Variants in DDX53 observed in about 807,000 individuals in gnomAD.
DDX53 encodes DEAD-box helicase 53.
For synonymous variants in DDX53, 179 were observed against 170.8 expected (o/e 1.05, Z -0.37); for missense variants, 481 against 485.1 (o/e 0.99, Z 0.08).
chrX:23,000,019 T>C lies in DDX53; in HGVS notation c.-39T>C. On this transcript the variant is annotated 5_prime_UTR_variant, in exon 1 of 1. It removes the in-frame stop codon of an upstream open reading frame in the 5' UTR. Coordinates refer to ENST00000327968, the MANE Select transcript of DDX53 (RefSeq NM_182699.4). ...GCAGACCTGAACTTCCAACCGTATGTAGGCGAGAAGCCGGTGCCGATACTC... is the reference window on the plus strand; with the variant it reads ...GCAGACCTGAACTTCCAACCGTATGCAGGCGAGAAGCCGGTGCCGATACTC... 1 of 1,019,336 alleles carries C rather than the reference T, an allele frequency of 9.8e-7. No individual in the cohort carries two copies. Among genetic ancestry groups the C allele is most frequent in the Non-Finnish European group, 1.3e-6 (1 of 793,471 alleles). The allele number at this position is 1,019,336 out of a possible 1,213,427, so 84.0% of individuals were successfully genotyped here.
rs1933788504 is a variant in DDX53, at chrX:23,000,377, C to T, written c.320C>T (p.Ala107Val). 1 of 1,207,574 alleles carries T rather than the reference C, an allele frequency of 8.3e-7. No homozygotes were observed. Among genetic ancestry groups the T allele is most frequent in the Non-Finnish European group, 1.1e-6 (1 of 894,396 alleles). ...GNREMKAKAK[A>V]AIETLIRKQE... The stretch of plus-strand genomic sequence containing the variant: ...AGGGAAATGAAAGCAAAGGCCAAAG[C>T]GGCTATAGAAACACTTATTAGAAAA... The change falls in exon 1 of 1, where the codon GCG (alanine) becomes GTG (valine). Residue 107 changes from alanine (A) to valine (V), a missense_variant. Coordinates refer to ENST00000327968, the MANE Select transcript of DDX53 (RefSeq NM_182699.4).
Position 23,002,695 on chromosome X carries a change from A to T in DDX53, c.*742A>T, listed in dbSNP as rs1322015606. 1 of 119,456 alleles carries T rather than the reference A, an allele frequency of 8.4e-6. No individual in the cohort carries two copies. Among genetic ancestry groups the T allele is most frequent in the Non-Finnish European group, 1.9e-5 (1 of 52,443 alleles). 9.8% of individuals were successfully genotyped at this position (119,456 alleles called of 1,213,427 possible). A position where few individuals can be genotyped will look rare whatever the true frequency, so the allele number is the denominator to read the frequency against. Reference sequence around the variant, plus strand: ...TAATTTTAAAAAAGTCTCAAAAATGAGAGAGTGAGAGACTATGTGAAGAGA... The same window carrying T: ...TAATTTTAAAAAAGTCTCAAAAATGTGAGAGTGAGAGACTATGTGAAGAGA... On this transcript the variant is annotated 3_prime_UTR_variant, in exon 1 of 1. Coordinates refer to ENST00000327968, the MANE Select transcript of DDX53 (RefSeq NM_182699.4).
chrX:23,000,518 A>G lies in DDX53; in HGVS notation c.461A>G (p.Asp154Gly), dbSNP rs373190990. 1 of 1,210,225 alleles carries G rather than the reference A, an allele frequency of 8.3e-7. No homozygotes were observed. Among genetic ancestry groups the G allele is most frequent in the African/African-American group, 1.7e-5 (1 of 57,231 alleles). The stretch of plus-strand genomic sequence containing the variant: ...GAAGCTGAGCCATTGTCAAATTGGG[A>G]TCGCATTAGGGCAGCAGTCGTGGAG... ...VGEAEPLSNWDRIRAAVVECE... is the reference protein window; with the variant it reads ...VGEAEPLSNWGRIRAAVVECE... Residue 154 changes from aspartate to glycine, a missense_variant, in exon 1 of 1, where the codon GAT (aspartate) becomes GGT (glycine). Coordinates refer to ENST00000327968, the MANE Select transcript of DDX53 (RefSeq NM_182699.4).
In DDX53 at chrX:23,002,693, TGAGA is replaced by T. The variant is rs1263111128; in HGVS notation, c.*744_*747del. On this transcript the variant is annotated 3_prime_UTR_variant, in exon 1 of 1. Transcript: ENST00000327968. ...CTTAATTTTAAAAAAGTCTCAAAAA[TGAGA>T]GAGTGAGAGACTATGTGAAGAGAAA... 11 of 118,487 alleles carry T rather than the reference TGAGA, an allele frequency of 9.3e-5. No homozygotes were observed. Among genetic ancestry groups the T allele is most frequent in the African/African-American group, 3.8e-4 (11 of 29,139 alleles). The allele number at this position is 118,487 out of a possible 1,213,427, so 9.8% of individuals were successfully genotyped here. A position where few individuals can be genotyped will look rare whatever the true frequency, so the allele number is the denominator to read the frequency against.
At position 23,003,114 on chromosome X, in the gene DDX53, G is replaced by C. The variant is rs1463634434; in HGVS notation, c.*1161G>C. 8.1e-6 allele frequency: 1 copy of C among 123,918 alleles called. No homozygotes were observed. Among genetic ancestry groups the C allele is most frequent in the Admixed American group, 9.4e-5 (1 of 10,651 alleles). The allele number at this position is 123,918 out of a possible 1,213,427, so 10.2% of individuals were successfully genotyped here. ...ATGGTGCTTTTCTGGCTTTAAAATA[G>C]TTGTACTAAATTGAAGCATAGCTTC... is the stretch of plus-strand genomic sequence containing the variant. On this transcript the variant is annotated 3_prime_UTR_variant, in exon 1 of 1. Transcript: ENST00000327968.
At position 23,001,677 on chromosome X, in the gene DDX53, T is replaced by C; in HGVS notation, c.1620T>C (p.Tyr540=). The C allele has an allele frequency of 8.3e-7, 1 of 1,211,286 alleles. No homozygotes were observed. The highest frequency in any genetic ancestry group is 2.3e-4 in the Middle Eastern group (1 of 4,351). ...GLDLNDVTHV[Y]NYDFPRNIDV... is the part of the protein sequence containing the mutation. ...ATCTTAATGATGTCACACATGTATATAATTATGATTTCCCAAGGAATATTG... is the reference window on the plus strand; with the variant it reads ...ATCTTAATGATGTCACACATGTATACAATTATGATTTCCCAAGGAATATTG... Residue 540 remains tyrosine (Y), a synonymous_variant, in exon 1 of 1, where the codon TAT becomes TAC. Coordinates refer to ENST00000327968, the MANE Select transcript of DDX53 (RefSeq NM_182699.4).
rs753176447 is a variant in DDX53, at chrX:22,999,993, C to G, written c.-65C>G. The G allele has an allele frequency of 1.1e-6, 1 of 938,068 alleles. No individual in the cohort carries two copies. Among genetic ancestry groups the G allele is most frequent in the Non-Finnish European group, 1.4e-6 (1 of 729,949 alleles). 77.3% of individuals were successfully genotyped at this position (938,068 alleles called of 1,213,427 possible). A position where few individuals can be genotyped will look rare whatever the true frequency, so the allele number is the denominator to read the frequency against. ...GTGCAGAAGGTGACGGGAAACAGGC[C>G]GCAGACCTGAACTTCCAACCGTATG... On this transcript the variant is annotated 5_prime_UTR_variant, in exon 1 of 1. Transcript: ENST00000327968.
Position 23,002,847 on chromosome X carries a change from C to A in DDX53, c.*894C>A, listed in dbSNP as rs1401048230. ...TGGGGGTTTACTGTACATATTATTT[C>A]GTCACCCAGGTATTAAGACCAGTGC... On this transcript the variant is annotated 3_prime_UTR_variant, in exon 1 of 1. Coordinates refer to ENST00000327968, the MANE Select transcript of DDX53 (RefSeq NM_182699.4). 2.4e-5 allele frequency: 3 copies of A among 123,334 alleles called. No individual in the cohort carries two copies. The highest frequency in any genetic ancestry group is 3.7e-4 in the South Asian group (1 of 2,721). The allele number at this position is 123,334 out of a possible 1,213,427, so 10.2% of individuals were successfully genotyped here.
rs768758272 is a variant in DDX53 at position 23,000,384 on chromosome X, A to T, written c.327A>T (p.Ile109=). The T allele has an allele frequency of 3.3e-6, 4 of 1,209,444 alleles. No individual in the cohort carries two copies. In the Admixed American group the frequency reaches 8.8e-5, roughly 27 times the overall value. The change falls in exon 1 of 1, where the codon ATA becomes ATT. Residue 109 remains isoleucine (I), a synonymous_variant. Transcript: ENST00000327968. ...REMKAKAKAA[I]ETLIRKQESY... ...TGAAAGCAAAGGCCAAAGCGGCTAT[A>T]GAAACACTTATTAGAAAACAAGAAA...
In DDX53 at chrX:23,001,788, A is replaced by G; in HGVS notation, c.1731A>G (p.Lys577=). Residue 577 remains lysine, a synonymous_variant, in exon 1 of 1, where the codon AAA becomes AAG. Coordinates refer to ENST00000327968, the MANE Select transcript of DDX53 (RefSeq NM_182699.4). ...SVTLITQRDS[K]MAGELIKILD... is the part of the protein sequence containing the mutation. ...CCCTCATCACTCAGAGAGATTCGAA[A>G]ATGGCCGGTGAATTGATTAAAATTC... The G allele has an allele frequency of 2.5e-6, 3 of 1,211,678 alleles. No homozygotes were observed. The highest frequency in any genetic ancestry group is 3.4e-6 in the Non-Finnish European group (3 of 895,428).
chrX:23,000,975 A>C lies in DDX53; in HGVS notation c.918A>C (p.Arg306Ser), dbSNP rs937312541. The C allele has an allele frequency of 3.3e-6, 4 of 1,207,404 alleles. No homozygotes were observed. In the African/African-American group the frequency reaches 7.0e-5, roughly 21 times the overall value. ...GGATGCTAGTCCTTACACCCACTAG[A>C]GAGTTGGCTCTTCACGTGGAAGCTG... Reference protein sequence around the residue: ...GPGMLVLTPTRELALHVEAEC... With the variant: ...GPGMLVLTPTSELALHVEAEC... The change falls in exon 1 of 1, where the codon AGA becomes AGC. Residue 306 changes from arginine (R) to serine (S), a missense_variant. Coordinates refer to ENST00000327968, the MANE Select transcript of DDX53 (RefSeq NM_182699.4).
At position 23,003,283 on chromosome X, in the gene DDX53, A is replaced by G. The variant is rs1024725762; in HGVS notation, c.*1330A>G. 6.5e-5 allele frequency: 8 copies of G among 123,682 alleles called. No individual in the cohort carries two copies. The highest frequency in any genetic ancestry group is 2.3e-4 in the African/African-American group (7 of 30,877). The allele number at this position is 123,682 out of a possible 1,213,427, so 10.2% of individuals were successfully genotyped here. A position where few individuals can be genotyped will look rare whatever the true frequency, so the allele number is the denominator to read the frequency against. On this transcript the variant is annotated 3_prime_UTR_variant, in exon 1 of 1. Transcript: ENST00000327968. ...ATTTTTTAGAAGATTCCACAATTCT[A>G]TTTTTATCAGAATGATGTCACCAGC...
In DDX53 at chrX:23,001,513, G is replaced by A. The variant is rs149709546; in HGVS notation, c.1456G>A (p.Asp486Asn). The A allele has an allele frequency of 1.7e-6, 2 of 1,211,643 alleles. No individual in the cohort carries two copies. The highest frequency in any genetic ancestry group is 1.8e-5 in the South Asian group (1 of 56,918). ...ACATATTGCTGATGACTTGTCAAGC[G>A]ACTTCAATATCCAAGGCATATCTGC... Reference protein sequence around the residue: ...QKHIADDLSSDFNIQGISAES... With the variant: ...QKHIADDLSSNFNIQGISAES... The change falls in exon 1 of 1, where the codon GAC (aspartate) becomes AAC (asparagine). Residue 486 changes from aspartate (D) to asparagine (N), a missense_variant. Physicochemically the swap from Asp to Asn is conservative, Grantham distance 23. Coordinates refer to ENST00000327968, the MANE Select transcript of DDX53 (RefSeq NM_182699.4).
Position 23,000,717 on chromosome X carries a change from T to A in DDX53, c.660T>A (p.Thr220=). ...SGEKRLIPKP[T]CRFKDAFQQY... ...AAAAGCGTCTCATTCCAAAACCAAC[T>A]TGCAGGTTTAAAGACGCTTTTCAGC... The change falls in exon 1 of 1, where the codon ACT becomes ACA. Residue 220 remains threonine, a synonymous_variant. Coordinates refer to ENST00000327968, the MANE Select transcript of DDX53 (RefSeq NM_182699.4). 12 of 1,211,582 alleles carry A rather than the reference T, an allele frequency of 9.9e-6. No individual in the cohort carries two copies. Among genetic ancestry groups the A allele is most frequent in the Non-Finnish European group, 1.2e-5 (11 of 895,435 alleles).
At position 23,000,548 on chromosome X, in the gene DDX53, A is replaced by G; in HGVS notation, c.491A>G (p.Glu164Gly). 1 of 1,211,322 alleles carries G rather than the reference A, an allele frequency of 8.3e-7. No homozygotes were observed. The highest frequency in any genetic ancestry group is 1.1e-6 in the Non-Finnish European group (1 of 895,388). The part of the protein sequence containing the change: ...DRIRAAVVEC[E>G]KRKWADLPPV... ...ATTAGGGCAGCAGTCGTGGAGTGCG[A>G]AAAGAGAAAATGGGCAGATCTACCA... Residue 164 changes from glutamate (E) to glycine (G), a missense_variant, in exon 1 of 1, where the codon GAA becomes GGA. Coordinates refer to ENST00000327968, the MANE Select transcript of DDX53 (RefSeq NM_182699.4).
Position 23,000,493 on chromosome X carries a change from G to A in DDX53, c.436G>A (p.Glu146Lys), listed in dbSNP as rs1421424194. The change falls in exon 1 of 1, where the codon GAA (glutamate) becomes AAA (lysine). Residue 146 changes from glutamate (E) to lysine (K), a missense_variant. Transcript: ENST00000327968. ...RNLGRNDIVG[E>K]AEPLSNWDRI... ...TCTAGGCAGAAATGACATTGTTGGA[G>A]AAGCTGAGCCATTGTCAAATTGGGA... 7.4e-6 allele frequency: 9 copies of A among 1,211,884 alleles called. No individual in the cohort carries two copies. The highest frequency in any genetic ancestry group is 1.0e-5 in the Non-Finnish European group (9 of 895,522).
At position 23,000,572 on chromosome X, in the gene DDX53, C is replaced by T. The variant is rs1933792942; in HGVS notation, c.515C>T (p.Pro172Leu). 2.5e-6 allele frequency: 3 copies of T among 1,211,179 alleles called. No individual in the cohort carries two copies. Among genetic ancestry groups the T allele is most frequent in the Non-Finnish European group, 3.4e-6 (3 of 895,331 alleles). ...ECEKRKWADL[P>L]PVKKNFYIES... ...GAAAAGAGAAAATGGGCAGATCTACCACCAGTTAAGAAAAACTTTTACATA... is the reference window on the plus strand; with the variant it reads ...GAAAAGAGAAAATGGGCAGATCTACTACCAGTTAAGAAAAACTTTTACATA... Residue 172 changes from proline to leucine, a missense_variant, in exon 1 of 1, where the codon CCA (proline) becomes CTA (leucine). Pro to Leu is a moderately conservative substitution (Grantham distance 98). Coordinates refer to ENST00000327968, the MANE Select transcript of DDX53 (RefSeq NM_182699.4).
rs758120376 is a variant in DDX53 at position 23,000,369 on chromosome X, G to A, written c.312G>A (p.Lys104=). The part of the protein sequence containing the change: ...RIFGNREMKA[K]AKAAIETLIR... ...TTGGCAATAGGGAAATGAAAGCAAAGGCCAAAGCGGCTATAGAAACACTTA... is the reference window on the plus strand; with the variant it reads ...TTGGCAATAGGGAAATGAAAGCAAAAGCCAAAGCGGCTATAGAAACACTTA... Residue 104 remains lysine (K), a synonymous_variant, in exon 1 of 1, where the codon AAG becomes AAA. Transcript: ENST00000327968. The A allele has an allele frequency of 1.7e-6, 2 of 1,208,715 alleles. No individual in the cohort carries two copies. The highest frequency in any genetic ancestry group is 3.6e-5 in the South Asian group (2 of 55,981).
rs1434427660 is a variant in DDX53 at position 23,002,616 on chromosome X, TAAAG to T, written c.*667_*670del. Reference sequence around the variant, plus strand: ...TTTGGGGGTATATGTGAAGGTTTGTTAAAGAAACACGTGTCATGGGGGTTTATCA... The same window carrying T: ...TTTGGGGGTATATGTGAAGGTTTGTTAAACACGTGTCATGGGGGTTTATCA... On this transcript the variant is annotated 3_prime_UTR_variant, in exon 1 of 1. Transcript: ENST00000327968. 8.3e-6 allele frequency: 1 copy of T among 119,851 alleles called. No homozygotes were observed. Among genetic ancestry groups the T allele is most frequent in the Non-Finnish European group, 1.9e-5 (1 of 52,343 alleles). 9.9% of individuals were successfully genotyped at this position (119,851 alleles called of 1,213,427 possible).
Sources: gnomAD v4.1 joint callset for allele counts on GRCh38, gnomAD v4.1.1 for gene constraint, MANE v1.5 for transcripts, NCBI Gene and HGNC (gene_info 2026-07-23, HGNC 2026-07-21) for gene names.